Variants in PCP4 observed in about 807,000 individuals in gnomAD.
PCP4 encodes the protein Purkinje cell protein 4.
PCP4 carries 8 observed loss-of-function variants against 10.0 expected under a neutral mutation model. The observed-to-expected ratio is 0.80, with a 90% CI of 0.47 to 1.45. PCP4 has a LOEUF of 1.45. Among genes scored for constraint, PCP4 ranks in the 40% most tolerant of loss-of-function variants. The pLI, the probability that PCP4 is intolerant of heterozygous loss-of-function variation, is 0.00. For synonymous variants in PCP4, 21 were observed against 23.0 expected, an observed-to-expected ratio of 0.91 and a Z score of 0.24; for missense variants, 54 against 74.4, an observed-to-expected ratio of 0.73 and a Z score of 1.01.
chr21:39,927,359 A>G (rs2087629373), intron 2 of PCP4, among the ~76,000 whole-genome samples: 2 of 62,154 alleles, frequency 3.2e-5, no homozygotes, highest in African/African-American at 1.1e-4. Flanking sequence ...CTATCTATCT[A>G]TCTATCTATC....
chr21:39,923,568 T>C (rs2087607006), intron 2 of PCP4, among the ~76,000 whole-genome samples: 1 of 152,212 alleles, frequency 6.6e-6, no homozygotes, highest in Non-Finnish European at 1.5e-5. Context: ...TAGTCTAAAA[T>C]GCTGCTCCCT....
At chr21:39,912,458 TG>T (rs2087544819) in intron 2 of PCP4, among the ~76,000 whole-genome samples, 2 of 152,102 alleles carry the variant, frequency 1.3e-5, no homozygotes, top group African/African-American at 4.8e-5. Context: ...GCTTTTTGGA[TG>T]GGGATGCTCC....
chr21:39,907,148 T>A (rs2087515477), intron 2 of PCP4, among the ~76,000 whole-genome samples: 1 of 152,140 alleles, frequency 6.6e-6, no homozygotes, highest in African/African-American at 2.4e-5. Flanking sequence ...TGGAAAATAA[T>A]GCTGTCAGTG....
intron 2 of PCP4, among the ~76,000 whole-genome samples, chr21:39,900,598 C>T (rs1044524858): frequency 5.9e-5 from 9 of 152,016 alleles, no homozygotes; most frequent in Non-Finnish European, 8.8e-5. Flanking sequence ...GTTTACACAG[C>T]GTTTTCACTT....
chr21:39,898,694 T>C lies in PCP4; in HGVS notation c.61+167T>C, dbSNP rs866632801. 7.9e-5 allele frequency among the ~76,000 whole-genome samples: 12 copies of C among 152,316 alleles called. 1 individual carries two copies. The South Asian group carries it at 2.5e-3, about 32-fold the overall frequency. On this transcript the variant is annotated intron_variant, in intron 2 of 2. Transcript: ENST00000328619. The stretch of plus-strand genomic sequence containing the variant: ...CACAGTGAGCACTGAGGTCTGGTTT[T>C]ATGAAGAAAACTGAGCTAGCTAAAT...
chr21:39,878,862 A>T (rs1461050557), intron 1 of PCP4, among the ~76,000 whole-genome samples: 1 of 152,164 alleles, frequency 6.6e-6, no homozygotes, highest in Non-Finnish European at 1.5e-5. Context: ...GCTCTCACAT[A>T]TGCTTAAGTC....
At chr21:39,882,714 T>C (rs1195346173) in intron 1 of PCP4, among the ~76,000 whole-genome samples, 2 of 152,184 alleles carry the variant, frequency 1.3e-5, no homozygotes, top group East Asian at 3.9e-4. Context: ...TGTTGGTTTT[T>C]CCCCTAATCG....
intron 1 of PCP4, among the ~76,000 whole-genome samples, chr21:39,870,564 A>T (rs2087314753): frequency 6.6e-6 from 1 of 152,236 alleles, no homozygotes; most frequent in South Asian, 2.1e-4. Context: ...TTTTGAAAAA[A>T]GAGTTCCTGG....
chr21:39,924,467 G>A (rs1410410551), intron 2 of PCP4, among the ~76,000 whole-genome samples: 3 of 152,160 alleles, frequency 2.0e-5, no homozygotes, highest in African/African-American at 7.2e-5. Flanking sequence ...ATCTAGGTGT[G>A]AGGAGAGAGG....
chr21:39,895,077 A>C (rs1327186169), intron 1 of PCP4, among the ~76,000 whole-genome samples: 1 of 151,666 alleles, frequency 6.6e-6, no homozygotes, highest in Non-Finnish European at 1.5e-5. Context: ...ACACCCATTC[A>C]TCCATCCACC....
At chr21:39,928,067 T>TG (rs538813539) in intron 2 of PCP4, among the ~76,000 whole-genome samples, 158 of 152,288 alleles carry the variant, frequency 1.0e-3, no homozygotes, top group African/African-American at 3.4e-3. Flanking sequence ...TGTAGGTTTT[T>TG]GGGGAACAGG....
At chr21:39,883,468 G>A (rs962109472) in intron 1 of PCP4, 4 of 152,156 alleles carry the variant, frequency 2.6e-5, no homozygotes, top group African/African-American at 9.7e-5. Context: ...AATATGAGCT[G>A]TGATTTGTAC....
chr21:39,895,463 A>G (rs191760004), intron 1 of PCP4, among the ~76,000 whole-genome samples: 91 of 152,128 alleles, frequency 6.0e-4, no homozygotes, highest in African/African-American at 2.1e-3. Context: ...CTAACTCCCC[A>G]CCCGCTGATA....
chr21:39,924,974 G>A (rs1012824289), intron 2 of PCP4, among the ~76,000 whole-genome samples: 9 of 152,176 alleles, frequency 5.9e-5, no homozygotes, highest in Non-Finnish European at 1.0e-4. Context: ...CCTGGCCCAG[G>A]GGCATGAGGG....
intron 1 of PCP4, among the ~76,000 whole-genome samples, chr21:39,887,921 T>A (rs1212037668): frequency 6.6e-6 from 1 of 152,202 alleles, no homozygotes; most frequent in Non-Finnish European, 1.5e-5. Context: ...GTGTGGGGTA[T>A]TAATTGTGCG....
intron 2 of PCP4, among the ~76,000 whole-genome samples, chr21:39,914,250 A>G (rs918705850): frequency 6.6e-6 from 1 of 151,856 alleles, no homozygotes; most frequent in African/African-American, 2.4e-5. Context: ...CCTGGAACAC[A>G]CTCCATTTGC....
chr21:39,926,152 G>A (rs180735683), intron 2 of PCP4: 68 of 448,060 alleles, frequency 1.5e-4, no homozygotes, highest in African/African-American at 1.3e-3. Flanking sequence ...CCGGGAACTG[G>A]ACTCTCTGAA....
At chr21:39,897,549 G>A (rs938762886) in intron 1 of PCP4, among the ~76,000 whole-genome samples, 2 of 152,108 alleles carry the variant, frequency 1.3e-5, no homozygotes, top group Non-Finnish European at 2.9e-5. Context: ...CTGTTTACAT[G>A]TGTGGTGCAT....
chr21:39,927,341 C>A (rs1177601240), intron 2 of PCP4, among the ~76,000 whole-genome samples: 3 of 31,794 alleles, frequency 9.4e-5, no homozygotes, highest in African/African-American at 5.5e-4. Context: ...ATCTATCTGT[C>A]TATCTATCTA....
Sources: allele counts gnomAD v4.1 joint callset (sites outside exome capture counted in the v4.1 genomes callset), GRCh38; gene constraint gnomAD v4.1.1; transcripts MANE v1.5; gene names NCBI Gene and HGNC (gene_info 2026-07-23, HGNC 2026-07-21).